MALRD1: variants seen among roughly 807,000 people sequenced by gnomAD.
MALRD1 encodes the protein MAM and LDL receptor class A domain containing 1.
MALRD1 carries 247 observed loss-of-function variants against 242.1 expected under a neutral mutation model. The observed-to-expected ratio is 1.02, with a 90% CI of 0.92 to 1.13. MALRD1 has a LOEUF of 1.13. Among genes scored for constraint, MALRD1 ranks in the 50% most tolerant of loss-of-function variants. MALRD1 has a pLI of 0.00. For missense variants in MALRD1, 2,989 were observed against 2,533.1 expected, an observed-to-expected ratio of 1.18 and a Z score of -3.86; for synonymous variants, 995 against 866.6, an observed-to-expected ratio of 1.15 and a Z score of -2.60.
In MALRD1 at chr10:19,433,510, A is replaced by G. The variant is rs1834230031; in HGVS notation, c.4846-16797A>G. Among the ~76,000 whole-genome samples, 6 of 152,210 alleles carry G rather than the reference A, an allele frequency of 3.9e-5. No individual in the cohort carries two copies. In the South Asian group the frequency reaches 1.2e-3, roughly 32 times the overall value. The stretch of plus-strand genomic sequence containing the variant: ...AGTGTCATATTTTGGTATCAATTTC[A>G]TAAGATCACTTGATAAGTCAAATTT... On this transcript the variant is annotated intron_variant, in intron 28 of 39. Transcript: ENST00000454679.
At chr10:19,264,449 T>A (rs1268046452) in intron 19 of MALRD1, among the ~76,000 whole-genome samples, 1 of 147,620 alleles carries the variant, frequency 6.8e-6, no homozygotes, top group Non-Finnish European at 1.5e-5. Context: ...TTTCCTTTTT[T>A]CTTTTTCTTT....
At chr10:19,086,025 C>A (rs184603900) in intron 2 of MALRD1, among the ~76,000 whole-genome samples, 165 of 152,162 alleles carry the variant, frequency 1.1e-3, no homozygotes, top group African/African-American at 3.3e-3. Flanking sequence ...CAAGAGCCAA[C>A]TAATGATAGT....
chr10:19,691,110 A>G (rs921977701), intron 36 of MALRD1, among the ~76,000 whole-genome samples: 1 of 152,136 alleles, frequency 6.6e-6, no homozygotes, highest in African/African-American at 2.4e-5. Flanking sequence ...ACAAGGTCAA[A>G]TGAGGACTGA....
intron 7 of MALRD1, among the ~76,000 whole-genome samples, chr10:19,125,322 CTTCTTTCTTTCTTTCTTTCTTTCT>C (rs1200202607): frequency 4.7e-5 from 3 of 63,754 alleles, no homozygotes; most frequent in Admixed American, 1.4e-4. Context: ...TCCTTCCTTC[CTTCTTTCTTTCTTTCTTTCTTTCT>C]TTCTTTCTTT....
intron 32 of MALRD1, among the ~76,000 whole-genome samples, chr10:19,544,591 G>A (rs1485085637): frequency 1.3e-5 from 2 of 151,018 alleles, no homozygotes; most frequent in Admixed American, 6.6e-5. Flanking sequence ...TAAAGTGGAC[G>A]AATTTTTATT....
chr10:19,572,514 C>A (rs10827599), intron 33 of MALRD1, among the ~76,000 whole-genome samples: 57,060 of 151,948 alleles, frequency 0.38, 12,080 homozygotes, highest in Non-Finnish European at 0.48. Context: ...CCAATAGACA[C>A]AACCCTATGG....
chr10:19,718,632 A>G (rs1404996370), intron 38 of MALRD1, among the ~76,000 whole-genome samples: 1 of 152,202 alleles, frequency 6.6e-6, no homozygotes, highest in Non-Finnish European at 1.5e-5. Context: ...ACAGACATCC[A>G]AACCATATCA....
At chr10:19,688,572 T>C (rs1302966388) in intron 36 of MALRD1, among the ~76,000 whole-genome samples, 1 of 152,126 alleles carries the variant, frequency 6.6e-6, no homozygotes, top group Non-Finnish European at 1.5e-5. Context: ...TAATGATTCT[T>C]AATAGGTAGT....
chr10:19,206,523 T>C (rs1836794696), intron 17 of MALRD1, among the ~76,000 whole-genome samples: 1 of 152,162 alleles, frequency 6.6e-6, no homozygotes, highest in Non-Finnish European at 1.5e-5. Context: ...AATAAGCAAA[T>C]TGCCCCTCAG....
chr10:19,697,145 GAGAGAA>G (rs1015742550), intron 38 of MALRD1, among the ~76,000 whole-genome samples: 3 of 152,012 alleles, frequency 2.0e-5, no homozygotes, highest in Non-Finnish European at 4.4e-5. Context: ...TAGAGACAGA[GAGAGAA>G]AGAGAAAGAG....
intron 29 of MALRD1, among the ~76,000 whole-genome samples, chr10:19,469,045 T>C (rs546564651): frequency 4.9e-4 from 74 of 152,260 alleles, no homozygotes; most frequent in African/African-American, 1.7e-3. Flanking sequence ...AAATACTATT[T>C]CTGCCTGGGC....
chr10:19,674,694 G>A (rs1180696700), intron 36 of MALRD1, among the ~76,000 whole-genome samples: 1 of 152,020 alleles, frequency 6.6e-6, no homozygotes, highest in Non-Finnish European at 1.5e-5. Context: ...TATGAAAAGA[G>A]GAGAAAAATT....
intron 11 of MALRD1, among the ~76,000 whole-genome samples, chr10:19,154,140 C>A (rs11008689): frequency 5.7e-4 from 87 of 152,232 alleles, no homozygotes; most frequent in Non-Finnish European, 8.8e-5. Context: ...TAATCTTTAT[C>A]TTTCCAAGTT....
At chr10:19,204,281 GT>G (rs71387054) in intron 15 of MALRD1, 26 bp from the exon 16 acceptor site, 102,023 of 1,013,148 alleles carry the variant, frequency 0.1, 16 homozygotes, top group Non-Finnish European at 0.11. Flanking sequence ...TTAATGAAGC[GT>G]TTTTTTTTTT....
intron 24 of MALRD1, among the ~76,000 whole-genome samples, chr10:19,337,031 A>G (rs886297239): frequency 3.3e-5 from 5 of 152,104 alleles, no homozygotes; most frequent in South Asian, 2.1e-4. Flanking sequence ...CAGAAAATAT[A>G]TATTGTGTGT....
At chr10:19,628,272 A>G (rs968810024) in intron 36 of MALRD1, among the ~76,000 whole-genome samples, 3 of 152,170 alleles carry the variant, frequency 2.0e-5, no homozygotes, top group Admixed American at 6.5e-5. Context: ...CAATGTTTTA[A>G]TATACACGTT....
At chr10:19,238,535 TATATATA>T (rs1233966524) in intron 18 of MALRD1, among the ~76,000 whole-genome samples, 1 of 69,850 alleles carries the variant, frequency 1.4e-5, no homozygotes, top group African/African-American at 5.2e-5. Flanking sequence ...TAATATACAT[TATATATA>T]ATATATAATG....
intron 33 of MALRD1, among the ~76,000 whole-genome samples, chr10:19,587,898 C>A (rs1837521191): frequency 7.2e-6 from 1 of 139,630 alleles, no homozygotes; most frequent in African/African-American, 2.5e-5. Flanking sequence ...TTCCTAAATT[C>A]CTTATCCTAG....
intron 29 of MALRD1, among the ~76,000 whole-genome samples, chr10:19,457,673 G>A (rs1015938066): frequency 1.4e-4 from 21 of 150,542 alleles, no homozygotes; most frequent in Admixed American, 2.7e-4. Context: ...CTTGAGAACT[G>A]CAAGCAAGAA....
Sources: allele counts gnomAD v4.1 joint callset (sites outside exome capture counted in the v4.1 genomes callset), GRCh38; gene constraint gnomAD v4.1.1; transcripts MANE v1.5; gene names NCBI Gene and HGNC (gene_info 2026-07-23, HGNC 2026-07-21).